RXRA: variants seen among roughly 807,000 people sequenced by gnomAD.
RXRA encodes the protein retinoid X receptor alpha.
In RXRA, 5 loss-of-function variants were observed where a neutral mutation model predicts 44.5. The ratio of observed to expected loss-of-function variants is 0.11; its 90% CI spans 0.06 to 0.24. The LOEUF (loss-of-function observed/expected upper bound fraction) is 0.24. Among genes scored for constraint, RXRA ranks in the 10% least tolerant of loss-of-function variants. The probability of loss-of-function intolerance (pLI) is 1.00; values close to 1 mark genes in which losing one functional copy is unlikely to be tolerated. For synonymous variants in RXRA, 291 were observed against 271.4 expected (o/e 1.07, Z -0.71); for missense variants, 412 against 646.5 (o/e 0.64, Z 3.93).
rs1048656540 is a variant in RXRA at position 134,426,564 on chromosome 9, C to T, written c.911-2544C>T. 3.0e-5 allele frequency: 30 copies of T among 985,328 alleles called. No homozygotes were observed. The highest frequency in any genetic ancestry group is 1.6e-4 in the African/African-American group (9 of 57,240). 61.0% of individuals were successfully genotyped at this position (985,328 alleles called of 1,614,324 possible). Reference sequence around the variant, plus strand: ...GTGTCTGGGCTCCTGACCTGTATCCCGTGCTGAGGGCCGCACCTCGGCTCA... The same window carrying T: ...GTGTCTGGGCTCCTGACCTGTATCCTGTGCTGAGGGCCGCACCTCGGCTCA... On this transcript the variant is annotated intron_variant, in intron 6 of 9. Transcript: ENST00000481739. The surrounding 1 kb of genome is among the most constrained non-coding windows in gnomAD (Gnocchi z 4.6).
At chr9:134,416,402 A>C (rs34747924) in intron 4 of RXRA, among the ~76,000 whole-genome samples, 3 of 151,976 alleles carry the variant, frequency 2.0e-5, no homozygotes, top group Non-Finnish European at 4.4e-5. Flanking sequence ...GCATCGCTCT[A>C]TTTTGTCATA....
In RXRA at chr9:134,387,223, C is replaced by T. The variant is rs543512574; in HGVS notation, c.29-14409C>T. On this transcript the variant is annotated intron_variant, in intron 1 of 9. Coordinates refer to ENST00000481739, the MANE Select transcript of RXRA (RefSeq NM_002957.6). ...CGCTCCGCCCTGCCCGGCCCTGGCTCATGTCCCGTTTCTTTTTCCTGGCAA... is the reference window on the plus strand; with the variant it reads ...CGCTCCGCCCTGCCCGGCCCTGGCTTATGTCCCGTTTCTTTTTCCTGGCAA... 1.7e-4 allele frequency among the ~76,000 whole-genome samples: 26 copies of T among 152,388 alleles called. No homozygotes were observed. In the East Asian group the frequency reaches 4.8e-3, roughly 28 times the overall value.
intron 4 of RXRA, 81 bp downstream of exon 4, chr9:134,409,200 T>C: frequency 2.2e-6 from 3 of 1,347,980 alleles, no homozygotes; most frequent in Admixed American, 2.6e-5. Context: ...ACACCCGAGA[T>C]GGACAACAGG....
intron 1 of RXRA, among the ~76,000 whole-genome samples, chr9:134,386,343 C>T (rs938435252): frequency 6.6e-5 from 10 of 152,240 alleles, no homozygotes; most frequent in South Asian, 2.1e-4. Flanking sequence ...GCCTCTCTGT[C>T]GGGCGGTGGA....
In RXRA at chr9:134,342,513, G is replaced by A. The variant is rs1438444836; in HGVS notation, c.28+15854G>A. On this transcript the variant is annotated intron_variant, in intron 1 of 9. Coordinates refer to ENST00000481739, the MANE Select transcript of RXRA (RefSeq NM_002957.6). This position sits in a 1 kb window ranked among gnomAD's most constrained non-coding sequence, Gnocchi z 4.4. ...CAGAGGCTTGCACTTGGGATGGCGT[G>A]CTGTGCGCCCTCTTCCTGCCATCAG... is the stretch of plus-strand genomic sequence containing the variant. Among the ~76,000 whole-genome samples the A allele has an allele frequency of 6.6e-6, 1 of 152,212 alleles. No homozygotes were observed. The highest frequency in any genetic ancestry group is 2.4e-5 in the African/African-American group (1 of 41,450).
Position 134,326,626 on chromosome 9 carries a change from G to A in RXRA, c.-6G>A. 1 of 966,624 alleles carries A rather than the reference G, an allele frequency of 1.0e-6. No homozygotes were observed. The highest frequency in any genetic ancestry group is 1.2e-6 in the Non-Finnish European group (1 of 817,364). The allele number at this position is 966,624 out of a possible 1,614,324, so 59.9% of individuals were successfully genotyped here. A position where few individuals can be genotyped will look rare whatever the true frequency, so the allele number is the denominator to read the frequency against. ...GCCGCCGGCCGGGCATGAGTTAGTC[G>A]CAGACATGGACACCAAACATTTCCT... On this transcript the variant is annotated 5_prime_UTR_variant, in exon 1 of 10. Transcript: ENST00000481739.
At chr9:134,357,265 C>T (rs1211616614) in intron 1 of RXRA, among the ~76,000 whole-genome samples, 2 of 152,266 alleles carry the variant, frequency 1.3e-5, no homozygotes, top group East Asian at 3.9e-4. Flanking sequence ...GAGCCCGGAG[C>T]AGAAACCTGG....
At position 134,349,939 on chromosome 9, in the gene RXRA, G is replaced by T. The variant is rs1162127733; in HGVS notation, c.28+23280G>T. ...CTGTTTGGGTCAGCTCCTGGCTGCA[G>T]CTGGTGTCTGGAGGTCCCCAGGCAC... On this transcript the variant is annotated intron_variant, in intron 1 of 9. Coordinates refer to ENST00000481739, the MANE Select transcript of RXRA (RefSeq NM_002957.6). This position sits in a 1 kb window ranked among gnomAD's most constrained non-coding sequence, Gnocchi z 4.3. Among the ~76,000 whole-genome samples, 1 of 152,100 alleles carries T rather than the reference G, an allele frequency of 6.6e-6. No individual in the cohort carries two copies. Among genetic ancestry groups the T allele is most frequent in the African/African-American group, 2.4e-5 (1 of 41,376 alleles).
chr9:134,408,383 C>A, intron 3 of RXRA, 84 bp downstream of exon 3: 1 of 1,421,446 alleles, frequency 7.0e-7, no homozygotes, highest in Non-Finnish European at 9.4e-7. Context: ...AAATCACCCT[C>A]CTGTGGGCCA....
chr9:134,337,295 G>GCTGTCTGTCCGTCCGCTCAT (rs1222845770), intron 1 of RXRA, among the ~76,000 whole-genome samples: 5 of 151,960 alleles, frequency 3.3e-5, no homozygotes, highest in Admixed American at 2.6e-4. Context: ...CCACCTGCCT[G>GCTGTCTGTCCGTCCGCTCAT]CTGTCTGTCC....
At chr9:134,410,915 A>G (rs1218807108) in intron 4 of RXRA, among the ~76,000 whole-genome samples, 3 of 152,194 alleles carry the variant, frequency 2.0e-5, no homozygotes, top group Admixed American at 6.5e-5. Flanking sequence ...GAAAGTGATC[A>G]TCAGATAACC....
chr9:134,401,800 C>T lies in RXRA; in HGVS notation c.197C>T (p.Ser66Leu), dbSNP rs1308326616. Residue 66 changes from serine (S) to leucine (L), a missense_variant, in exon 2 of 10, where the codon TCG (serine) becomes TTG (leucine). Physicochemically the swap from Ser to Leu is moderately radical, Grantham distance 145. Around this residue, in one of 4 missense-constraint regions of RXRA, gnomAD observed 156 missense variants for 177.2 expected, o/e 0.88. Transcript: ENST00000481739. The stretch of plus-strand genomic sequence containing the variant: ...ATCAACGGCATGGGCCCGCCTTTCT[C>T]GGTCATCAGCTCCCCCATGGGCCCC... The part of the protein sequence containing the change: ...SPINGMGPPF[S>L]VISSPMGPHS... The T allele has an allele frequency of 3.7e-6, 6 of 1,613,124 alleles. No homozygotes were observed. Among genetic ancestry groups the T allele is most frequent in the East Asian group, 2.2e-5 (1 of 44,854 alleles).
chr9:134,340,608 C>G lies in RXRA; in HGVS notation c.28+13949C>G, dbSNP rs145918128. Among the ~76,000 whole-genome samples the G allele has an allele frequency of 5.9e-5, 9 of 152,284 alleles. No homozygotes were observed. The East Asian group carries it at 1.7e-3, about 29-fold the overall frequency. On this transcript the variant is annotated intron_variant, in intron 1 of 9. Coordinates refer to ENST00000481739, the MANE Select transcript of RXRA (RefSeq NM_002957.6). ...CACTCAGATCCCTTTCTGCAGGCAC[C>G]CAGGCAGACGGTCTCGGTGCATGAG...
rs1398982997 is a variant in RXRA, at chr9:134,422,823, G to T, written c.910+1018G>T. The stretch of plus-strand genomic sequence containing the variant: ...CCTTCAGAGAGGTAATGGGCTGTCG[G>T]TGGAGGTTTGGGGGCTCTGGAGAGG... On this transcript the variant is annotated intron_variant, in intron 6 of 9. Transcript: ENST00000481739. 3.0e-6 allele frequency: 3 copies of T among 985,360 alleles called. No homozygotes were observed. The African/African-American group carries it at 5.2e-5, about 17-fold the overall frequency. The allele number at this position is 985,360 out of a possible 1,614,324, so 61.0% of individuals were successfully genotyped here.
At chr9:134,387,252 C>T (rs112862647) in intron 1 of RXRA, among the ~76,000 whole-genome samples, 89 of 152,396 alleles carry the variant, frequency 5.8e-4, no homozygotes, top group Middle Eastern at 6.8e-3. Context: ...CTGGCAAGGA[C>T]GTCTGTTAAT....
chr9:134,420,232 G>A (rs1259965096), intron 5 of RXRA, among the ~76,000 whole-genome samples: 1 of 152,250 alleles, frequency 6.6e-6, no homozygotes, highest in African/African-American at 2.4e-5. Flanking sequence ...CGATGGGCAG[G>A]CGAGAAGGAT....
At chr9:134,363,477 C>A (rs1367877704) in intron 1 of RXRA, among the ~76,000 whole-genome samples, 1 of 152,272 alleles carries the variant, frequency 6.6e-6, no homozygotes, top group Admixed American at 6.5e-5. Flanking sequence ...ACCACAAGCC[C>A]AGGCTCCTGG....
intron 1 of RXRA, among the ~76,000 whole-genome samples, chr9:134,333,276 T>C (rs1395722615): frequency 6.6e-6 from 1 of 152,180 alleles, no homozygotes; most frequent in African/African-American, 2.4e-5. Context: ...CCCCAGCTCC[T>C]CTTCCAGGCA....
chr9:134,386,255 C>T (rs1335572659), intron 1 of RXRA, among the ~76,000 whole-genome samples: 3 of 152,244 alleles, frequency 2.0e-5, no homozygotes, highest in Non-Finnish European at 2.9e-5. Context: ...GGACCCTGAG[C>T]CCGCCGGCCA....
Sources: allele counts gnomAD v4.1 joint callset (sites outside exome capture counted in the v4.1 genomes callset), GRCh38; gene constraint gnomAD v4.1.1; regional missense constraint gnomAD v4.1.1; non-coding constraint Gnocchi (gnomAD v3.1); transcripts MANE v1.5; gene names NCBI Gene and HGNC (gene_info 2026-07-23, HGNC 2026-07-21).